The following PTPRQ variants were observed in gnomAD, a reference collection of about 807,000 sequenced individuals.
PTPRQ encodes phosphatidylinositol phosphatase PTPRQ.
In PTPRQ, 199 loss-of-function variants were observed where a neutral mutation model predicts 246.0. That is an observed-to-expected ratio of 0.81 (90% CI 0.72 to 0.91). The LOEUF is 0.91. PTPRQ is among the 40% of genes least tolerant of loss of function. The probability of loss-of-function intolerance (pLI) is 0.00; values close to 1 mark genes in which losing one functional copy is unlikely to be tolerated. For missense variants in PTPRQ, 2,624 were observed against 2,528.4 expected, an observed-to-expected ratio of 1.04 and a Z score of -0.81; for synonymous variants, 869 against 853.2, an observed-to-expected ratio of 1.02 and a Z score of -0.32.
rs1212862007 is a variant in PTPRQ, at chr12:80,468,755, G to A, written c.956G>A (p.Gly319Glu). The A allele has an allele frequency of 6.5e-7, 1 of 1,550,064 alleles. No individual in the cohort carries two copies. Among genetic ancestry groups the A allele is most frequent in the East Asian group, 2.5e-5 (1 of 40,784 alleles). ...AACTGCGTAACAGGCAACATCACAG[G>A]AAAGTCCTTTTCAATTTTATGGGAC... is the stretch of plus-strand genomic sequence containing the variant. ...PQNCVTGNIT[G>E]KSFSILWDPP... Residue 319 changes from glycine (G) to glutamate (E), a missense_variant, in exon 7 of 45, where the codon GGA becomes GAA. By Grantham distance (98) the Gly-to-Glu change is moderately conservative (BLOSUM62 -2). Transcript: ENST00000644991.
In PTPRQ at chr12:80,613,703, A is replaced by G. The variant is rs1898640981; in HGVS notation, c.5030A>G (p.Tyr1677Cys). 2.6e-6 allele frequency: 4 copies of G among 1,546,318 alleles called. No individual in the cohort carries two copies. The Admixed American group carries it at 5.9e-5, about 23-fold the overall frequency. ...CAACCTAATGGAAATATCCAAGTAT[A>G]TCAAGCTCTGGTTTACCGAGAAGAT... Reference protein sequence around the residue: ...PSQPNGNIQVYQALVYREDDP... With the variant: ...PSQPNGNIQVCQALVYREDDP... The change falls in exon 29 of 45, where the codon TAT (tyrosine) becomes TGT (cysteine). Residue 1677 changes from tyrosine (Y) to cysteine (C), a missense_variant. Transcript: ENST00000644991.
chr12:80,525,697 G>A (rs532792711), intron 17 of PTPRQ, among the ~76,000 whole-genome samples: 4 of 150,134 alleles, frequency 2.7e-5, no homozygotes, highest in Non-Finnish European at 3.0e-5. Context: ...TGTCACTCTC[G>A]GGTTTCTTAC....
intron 17 of PTPRQ, among the ~76,000 whole-genome samples, chr12:80,520,591 A>G (rs1895447889): frequency 7.2e-6 from 1 of 138,536 alleles, no homozygotes; most frequent in Admixed American, 8.2e-5. Context: ...ATTCCCACCT[A>G]TGAGTGAGAA....
At chr12:80,516,830 T>C (rs1321611400) in intron 17 of PTPRQ, among the ~76,000 whole-genome samples, 2 of 152,180 alleles carry the variant, frequency 1.3e-5, no homozygotes, top group South Asian at 2.1e-4. Flanking sequence ...GTGGTAAAGA[T>C]AGATTTGTGA....
intron 6 of PTPRQ, among the ~76,000 whole-genome samples, chr12:80,467,116 AG>A (rs1373576208): frequency 6.6e-6 from 1 of 152,218 alleles, no homozygotes; most frequent in Non-Finnish European, 1.5e-5. Context: ...CATCTGACAA[AG>A]GGCTAATATC....
intron 27 of PTPRQ, among the ~76,000 whole-genome samples, chr12:80,606,895 AG>A (rs1898344506): frequency 6.6e-6 from 1 of 150,970 alleles, no homozygotes; most frequent in South Asian, 2.1e-4. Context: ...AAAATGATAA[AG>A]CTTTACTCTG....
intron 24 of PTPRQ, among the ~76,000 whole-genome samples, chr12:80,547,286 G>A (rs1528288): frequency 0.95 from 144,978 of 152,214 alleles, 69,277 homozygotes; most frequent in Non-Finnish European, 0.99. Flanking sequence ...GTTTTTATTT[G>A]GGACCTATTT....
At position 80,445,562 on chromosome 12, in the gene PTPRQ, C is replaced by A. The variant is rs1006090903; in HGVS notation, c.235C>A (p.Pro79Thr). 2 of 1,549,198 alleles carry A rather than the reference C, an allele frequency of 1.3e-6. No homozygotes were observed. The highest frequency in any genetic ancestry group is 8.7e-7 in the Non-Finnish European group (1 of 1,145,312). ...TGGGATTCTTCTGTCTTGGAATACA[C>A]CACCTAATCCAAATGGAAGGATTAT... ...SAGILLSWNTPPNPNGRIISY... is the reference protein window; with the variant it reads ...SAGILLSWNTTPNPNGRIISY... Residue 79 changes from proline (P) to threonine (T), a missense_variant, in exon 3 of 45, where the codon CCA becomes ACA. Pro to Thr is a conservative substitution (Grantham distance 38). Coordinates refer to ENST00000644991, the MANE Select transcript of PTPRQ (RefSeq NM_001145026.2).
chr12:80,593,213 A>G (rs905185509), intron 26 of PTPRQ, among the ~76,000 whole-genome samples: 1 of 152,188 alleles, frequency 6.6e-6, no homozygotes, highest in Non-Finnish European at 1.5e-5. Flanking sequence ...GATCTTCTCT[A>G]TAAAGAGTTA....
At position 80,569,446 on chromosome 12, in the gene PTPRQ, G is replaced by A. The variant is rs1443483132; in HGVS notation, c.4286-18683G>A. ...GGAGATATACCTAATGCTAGATGAC[G>A]AGTTAGTGGGTGCAGCACACCAGCA... is the stretch of plus-strand genomic sequence containing the variant. On this transcript the variant is annotated intron_variant, in intron 25 of 44. Transcript: ENST00000644991. Among the ~76,000 whole-genome samples, 5 of 149,738 alleles carry A rather than the reference G, an allele frequency of 3.3e-5. No individual in the cohort carries two copies. In the South Asian group the frequency reaches 6.4e-4, roughly 19 times the overall value.
chr12:80,467,575 T>C (rs201066307), intron 6 of PTPRQ, among the ~76,000 whole-genome samples: 4 of 152,120 alleles, frequency 2.6e-5, no homozygotes, highest in Admixed American at 6.6e-5. Context: ...TATTGCGGCA[T>C]TATTCACAAT....
At chr12:80,662,644 G>C (rs1052850672) in intron 39 of PTPRQ, among the ~76,000 whole-genome samples, 1 of 151,900 alleles carries the variant, frequency 6.6e-6, no homozygotes, top group Non-Finnish European at 1.5e-5. Context: ...TATTGCTGTT[G>C]ATGTTTCATG....
chr12:80,479,406 C>T (rs982067432), intron 8 of PTPRQ, among the ~76,000 whole-genome samples: 6 of 151,842 alleles, frequency 4.0e-5, no homozygotes, highest in African/African-American at 1.5e-4. Context: ...CAACTGGTAC[C>T]AGCCACTGCA....
chr12:80,617,150 G>A (rs1001978548), intron 30 of PTPRQ, among the ~76,000 whole-genome samples: 3 of 151,150 alleles, frequency 2.0e-5, no homozygotes, highest in Admixed American at 1.3e-4. Flanking sequence ...TTAGCCACTT[G>A]ATATCTATTT....
chr12:80,605,498 T>C (rs529529682), intron 27 of PTPRQ, among the ~76,000 whole-genome samples: 1 of 151,350 alleles, frequency 6.6e-6, no homozygotes, highest in East Asian at 2.0e-4. Context: ...TATGTATATA[T>C]ACACACATAC....
intron 30 of PTPRQ, among the ~76,000 whole-genome samples, chr12:80,618,360 TCACACACACACACACA>T (rs3071377): frequency 1.3e-4 from 16 of 125,532 alleles, no homozygotes; most frequent in Admixed American, 3.2e-4. Context: ...AGCACTACAT[TCACACACACACACACA>T]CACACACACA....
At chr12:80,519,560 G>C (rs1286115450) in intron 17 of PTPRQ, among the ~76,000 whole-genome samples, 1 of 152,120 alleles carries the variant, frequency 6.6e-6, no homozygotes, top group Non-Finnish European at 1.5e-5. Flanking sequence ...CGGGGTAGGA[G>C]CTTTATGCGG....
At chr12:80,619,846 A>C (rs1898910926) in intron 31 of PTPRQ, among the ~76,000 whole-genome samples, 1 of 151,632 alleles carries the variant, frequency 6.6e-6, no homozygotes. Context: ...TAGTAGATAA[A>C]CATGTTTTGA....
At chr12:80,482,495 C>T (rs890751242) in intron 8 of PTPRQ, among the ~76,000 whole-genome samples, 3 of 151,356 alleles carry the variant, frequency 2.0e-5, no homozygotes, top group Non-Finnish European at 4.4e-5. Flanking sequence ...ACACCAAAAG[C>T]AATGGCAACA....
Sources: gnomAD v4.1 joint callset for allele counts (sites outside exome capture counted in the v4.1 genomes callset) on GRCh38, gnomAD v4.1.1 for gene constraint, MANE v1.5 for transcripts, NCBI Gene and HGNC (gene_info 2026-07-23, HGNC 2026-07-21) for gene names.